The following NUBPL variants were observed in gnomAD, a reference collection of about 807,000 sequenced individuals.
NUBPL encodes the protein NUBP iron-sulfur cluster assembly factor, mitochondrial.
A neutral mutation model predicts 45.7 loss-of-function variants in NUBPL; 31 were observed. The ratio of observed to expected loss-of-function variants is 0.68; its 90% CI spans 0.51 to 0.92. The LOEUF (loss-of-function observed/expected upper bound fraction) is 0.92, where lower values mean the gene tolerates loss of function less well. Among genes scored for constraint, NUBPL ranks in the 40% least tolerant of loss-of-function variants. The probability of loss-of-function intolerance (pLI) is 0.00; values close to 1 mark genes in which losing one functional copy is unlikely to be tolerated. For missense variants in NUBPL, 401 were observed against 398.7 expected, an observed-to-expected ratio of 1.01 and a Z score of -0.05; for synonymous variants, 144 against 140.9, an observed-to-expected ratio of 1.02 and a Z score of -0.15.
At chr14:31,846,319 T>G in intron 8 of NUBPL, 152 bp from the exon 9 acceptor site, 1 of 674,992 alleles carries the variant, frequency 1.5e-6, no homozygotes, top group Non-Finnish European at 2.7e-6. Flanking sequence ...AGCTCATGAG[T>G]TCCTTCAGAG....
chr14:31,589,507 G>A (rs961924317), intron 3 of NUBPL, among the ~76,000 whole-genome samples: 1 of 152,108 alleles, frequency 6.6e-6, no homozygotes, highest in Non-Finnish European at 1.5e-5. Context: ...ATAATTCAGT[G>A]TACAGAATAA....
intron 6 of NUBPL, among the ~76,000 whole-genome samples, chr14:31,721,526 CAG>C (rs1001781542): frequency 5.3e-5 from 8 of 151,622 alleles, no homozygotes; most frequent in African/African-American, 1.7e-4. Context: ...GATGAGGAAA[CAG>C]AAGCATAGAA....
intron 6 of NUBPL, among the ~76,000 whole-genome samples, chr14:31,705,478 G>A (rs1245089671): frequency 1.3e-5 from 2 of 152,142 alleles, no homozygotes; most frequent in African/African-American, 4.8e-5. Flanking sequence ...TGATTGGTCC[G>A]TTTTGACAGA....
chr14:31,810,105 C>T (rs35132574), intron 7 of NUBPL, among the ~76,000 whole-genome samples: 65,987 of 151,824 alleles, frequency 0.43, 16,728 homozygotes, highest in East Asian at 0.62. Context: ...TGATTTGGGG[C>T]GGAGAGTTCT....
In NUBPL at chr14:31,841,917, C is replaced by CTTTTGTTTTTTTTTTTTT; in HGVS notation, c.694-4550_694-4549insGTTTTTTTTTTTTTTTTT. Reference sequence around the variant, plus strand: ...CTTTCATGTATGGGTCGATTCTGGGCTTTTTTTTTTTTTTTTTTTTTTTTT... The same window carrying CTTTTGTTTTTTTTTTTTT: ...CTTTCATGTATGGGTCGATTCTGGGCTTTTGTTTTTTTTTTTTTTTTTTTTTTTTTTTTTTTTTTTTTT... On this transcript the variant is annotated intron_variant, in intron 8 of 10. Coordinates refer to ENST00000281081, the MANE Select transcript of NUBPL (RefSeq NM_025152.3). Among the ~76,000 whole-genome samples, 379 of 43,046 alleles carry CTTTTGTTTTTTTTTTTTT rather than the reference C, an allele frequency of 8.8e-3. 36 individuals are homozygous for CTTTTGTTTTTTTTTTTTT. Among genetic ancestry groups the CTTTTGTTTTTTTTTTTTT allele is most frequent in the Non-Finnish European group, 0.013 (315 of 23,468 alleles). 28.2% of individuals were successfully genotyped at this position (43,046 alleles called of 152,430 possible). A position where few individuals can be genotyped will look rare whatever the true frequency, so the allele number is the denominator to read the frequency against.
chr14:31,745,841 A>G (rs1216983482), intron 6 of NUBPL, among the ~76,000 whole-genome samples: 1 of 151,990 alleles, frequency 6.6e-6, no homozygotes, highest in Non-Finnish European at 1.5e-5. Context: ...AGTTCATGGT[A>G]TGATAAGGAA....
chr14:31,849,458 T>C (rs2040504635), intron 9 of NUBPL, among the ~76,000 whole-genome samples: 1 of 152,158 alleles, frequency 6.6e-6, no homozygotes, highest in Non-Finnish European at 1.5e-5. Context: ...CACTGCCTAA[T>C]AGTAATGTGT....
intron 3 of NUBPL, among the ~76,000 whole-genome samples, chr14:31,573,362 C>G (rs1243913128): frequency 6.6e-6 from 1 of 152,178 alleles, no homozygotes; most frequent in Non-Finnish European, 1.5e-5. Flanking sequence ...GCTCTGGTTA[C>G]TAGTCACGTG....
In NUBPL at chr14:31,841,917, C is replaced by CTTTTGTTTTTTTTTTT; in HGVS notation, c.694-4550_694-4549insGTTTTTTTTTTTTTTT. 4.6e-3 allele frequency among the ~76,000 whole-genome samples: 196 copies of CTTTTGTTTTTTTTTTT among 43,044 alleles called. 21 individuals are homozygous for CTTTTGTTTTTTTTTTT. The highest frequency in any genetic ancestry group is 6.5e-3 in the Non-Finnish European group (153 of 23,466). 28.2% of individuals were successfully genotyped at this position (43,044 alleles called of 152,430 possible). ...CTTTCATGTATGGGTCGATTCTGGG[C>CTTTTGTTTTTTTTTTT]TTTTTTTTTTTTTTTTTTTTTTTTT... On this transcript the variant is annotated intron_variant, in intron 8 of 10. Coordinates refer to ENST00000281081, the MANE Select transcript of NUBPL (RefSeq NM_025152.3).
intron 6 of NUBPL, among the ~76,000 whole-genome samples, chr14:31,723,091 C>G (rs938416259): frequency 3.3e-5 from 5 of 152,104 alleles, no homozygotes; most frequent in African/African-American, 1.2e-4. Context: ...GCATTTAATT[C>G]TTTAATCCAT....
chr14:31,588,096 G>A (rs2034041530), intron 3 of NUBPL, among the ~76,000 whole-genome samples: 1 of 152,178 alleles, frequency 6.6e-6, no homozygotes, highest in East Asian at 1.9e-4. Context: ...GAGGCAGCAT[G>A]TTGTAGTGTT....
Position 31,850,108 on chromosome 14 carries a change from G to A in NUBPL, c.815-11G>A. 1 of 1,606,768 alleles carries A rather than the reference G, an allele frequency of 6.2e-7. No homozygotes were observed. The highest frequency in any genetic ancestry group is 8.5e-7 in the Non-Finnish European group (1 of 1,173,498). On this transcript the variant is annotated splice_polypyrimidine_tract_variant and intron_variant, in intron 9 of 10. Coordinates refer to ENST00000281081, the MANE Select transcript of NUBPL (RefSeq NM_025152.3). ...TTCTGGTTCTAATGGATGTCTGCTG[G>A]GCTCTTTTAGGAGACATTCCCTTAC...
intron 7 of NUBPL, among the ~76,000 whole-genome samples, chr14:31,800,452 T>C (rs1281464408): frequency 2.6e-5 from 4 of 152,186 alleles, no homozygotes; most frequent in Admixed American, 2.6e-4. Flanking sequence ...ATAACAGATA[T>C]AACCTTAATG....
Position 31,712,417 on chromosome 14 carries a change from G to T in NUBPL, c.513+38843G>T, listed in dbSNP as rs550320989. Among the ~76,000 whole-genome samples the T allele has an allele frequency of 7.9e-5, 12 of 152,368 alleles. No individual in the cohort carries two copies. The South Asian group carries it at 2.5e-3, about 32-fold the overall frequency. On this transcript the variant is annotated intron_variant, in intron 6 of 10. Coordinates refer to ENST00000281081, the MANE Select transcript of NUBPL (RefSeq NM_025152.3). ...TGATCAAGCCCAGCAGGCACTGGCT[G>T]GTTGCGCCCAGTGCGGGGCCTGTGG...
chr14:31,711,357 C>G (rs1341424719), intron 6 of NUBPL, among the ~76,000 whole-genome samples: 1 of 152,176 alleles, frequency 6.6e-6, no homozygotes, highest in Non-Finnish European at 1.5e-5. Flanking sequence ...GCGCTAGTAG[C>G]TTTTAACTGG....
At chr14:31,676,134 T>C (rs1244696068) in intron 6 of NUBPL, among the ~76,000 whole-genome samples, 1 of 152,112 alleles carries the variant, frequency 6.6e-6, no homozygotes, top group African/African-American at 2.4e-5. Flanking sequence ...GCAATTCTCC[T>C]GCCTCAGCCT....
chr14:31,583,742 A>C (rs2033923606), intron 3 of NUBPL, among the ~76,000 whole-genome samples: 1 of 152,180 alleles, frequency 6.6e-6, no homozygotes. Flanking sequence ...AGGCTATTAC[A>C]GTAACCTCAG....
intron 6 of NUBPL, among the ~76,000 whole-genome samples, chr14:31,712,385 C>A (rs889624595): frequency 6.6e-6 from 1 of 152,218 alleles, no homozygotes; most frequent in East Asian, 1.9e-4. Context: ...AGAGGGAGTT[C>A]GTCCCCTGAT....
At chr14:31,587,988 C>T (rs1234953788) in intron 3 of NUBPL, among the ~76,000 whole-genome samples, 2 of 151,986 alleles carry the variant, frequency 1.3e-5, no homozygotes, top group Non-Finnish European at 2.9e-5. Context: ...TTCCTGCTTC[C>T]GTGCATAAAG....
Sources: allele counts gnomAD v4.1 joint callset (sites outside exome capture counted in the v4.1 genomes callset), GRCh38; gene constraint gnomAD v4.1.1; transcripts MANE v1.5; gene names NCBI Gene and HGNC (gene_info 2026-07-23, HGNC 2026-07-21).